Variants in CADPS observed in about 807,000 individuals in gnomAD.
CADPS encodes the protein calcium dependent secretion activator.
CADPS carries 57 observed loss-of-function variants against 167.3 expected under a neutral mutation model. The ratio of observed to expected loss-of-function variants is 0.34; its 90% CI spans 0.28 to 0.42. CADPS has a LOEUF of 0.42. Ranked by LOEUF, CADPS falls within the 20% of genes least tolerant of loss-of-function variation. The probability of loss-of-function intolerance (pLI) is 1.00; values close to 1 mark genes in which losing one functional copy is unlikely to be tolerated. For missense variants in CADPS, 1,414 were observed against 1,738.1 expected (o/e 0.81, Z 3.32); for synonymous variants, 676 against 635.3 (o/e 1.06, Z -0.96).
At chr3:62,528,443 T>C (rs887741319) in intron 13 of CADPS, among the ~76,000 whole-genome samples, 2 of 152,244 alleles carry the variant, frequency 1.3e-5, no homozygotes, top group African/African-American at 4.8e-5. Flanking sequence ...CAAGTAATTA[T>C]TAAATGGTAG....
intron 28 of CADPS, among the ~76,000 whole-genome samples, chr3:62,436,470 A>T (rs1477805797): frequency 6.6e-6 from 1 of 152,180 alleles, no homozygotes; most frequent in Non-Finnish European, 1.5e-5. Context: ...AGATGGGCAG[A>T]GTGTCCACAC....
chr3:62,434,997 A>C (rs2054692709), intron 28 of CADPS, among the ~76,000 whole-genome samples: 1 of 152,190 alleles, frequency 6.6e-6, no homozygotes, highest in Non-Finnish European at 1.5e-5. Flanking sequence ...CCAGAGAATG[A>C]CACAACAGTC....
In CADPS at chr3:62,478,535, T is replaced by C. The variant is rs1188784353; in HGVS notation, c.3174-119A>G. 2 of 926,498 alleles carry C rather than the reference T, an allele frequency of 2.2e-6. No homozygotes were observed. Among genetic ancestry groups the C allele is most frequent in the South Asian group, 1.6e-5 (1 of 60,944 alleles). 57.4% of individuals were successfully genotyped at this position (926,498 alleles called of 1,614,324 possible). ...AGCAGCTTCAACATACAAAACAACG[T>C]GTGTTGGCGGTGGAGGCGGGGGCGA... On this transcript the variant is annotated intron_variant, in intron 22 of 29. Transcript: ENST00000383710. This position sits in a 1 kb window ranked among gnomAD's most constrained non-coding sequence, Gnocchi z 5.7.
chr3:62,426,946 G>A (rs1007009931), intron 28 of CADPS, among the ~76,000 whole-genome samples: 2 of 151,734 alleles, frequency 1.3e-5, no homozygotes, highest in African/African-American at 4.8e-5. Flanking sequence ...ATGGTGGCAG[G>A]CGCCTATAGT....
chr3:62,831,083 G>C (rs1242786472), intron 1 of CADPS, among the ~76,000 whole-genome samples: 1 of 152,140 alleles, frequency 6.6e-6, no homozygotes, highest in Non-Finnish European at 1.5e-5. Flanking sequence ...ACCACTTTAA[G>C]GGGAGGAGTG....
chr3:62,749,449 A>T (rs1287542276), intron 3 of CADPS, among the ~76,000 whole-genome samples: 2 of 152,218 alleles, frequency 1.3e-5, no homozygotes, highest in Admixed American at 1.3e-4. Flanking sequence ...AGAGGAAAAC[A>T]TTAAGCACAT....
At chr3:62,816,322 A>T (rs1353696092) in intron 1 of CADPS, among the ~76,000 whole-genome samples, 2 of 152,142 alleles carry the variant, frequency 1.3e-5, no homozygotes, top group Non-Finnish European at 2.9e-5. Flanking sequence ...TTGTGGGCTT[A>T]GAGGTTGTCT....
chr3:62,817,810 G>A (rs995699937), intron 1 of CADPS, among the ~76,000 whole-genome samples: 1 of 152,134 alleles, frequency 6.6e-6, no homozygotes, highest in African/African-American at 2.4e-5. Context: ...TTAACACAAG[G>A]TTCAAGTAGT....
chr3:62,470,613 G>C (rs2060475810), intron 24 of CADPS: 1 of 152,192 alleles, frequency 6.6e-6, no homozygotes, highest in African/African-American at 2.4e-5. Context: ...AGTCAAGCTA[G>C]CTTTATTCTC....
intron 1 of CADPS, among the ~76,000 whole-genome samples, chr3:62,775,230 T>C (rs2089992269): frequency 6.6e-6 from 1 of 151,896 alleles, no homozygotes; most frequent in African/African-American, 2.4e-5. Context: ...ATTTTTTTTT[T>C]TTAGTAGAGA....
intron 13 of CADPS, among the ~76,000 whole-genome samples, chr3:62,531,289 G>A (rs1001736737): frequency 4.6e-5 from 7 of 151,986 alleles, no homozygotes; most frequent in African/African-American, 1.5e-4. Context: ...TCATCAAAGT[G>A]TACATATTTA....
intron 8 of CADPS, among the ~76,000 whole-genome samples, chr3:62,573,279 A>G (rs1578060154): frequency 6.6e-6 from 1 of 152,074 alleles, no homozygotes; most frequent in East Asian, 1.9e-4. Context: ...TTTTTTATTC[A>G]CATTATTTTT....
intron 1 of CADPS, among the ~76,000 whole-genome samples, chr3:62,832,685 G>A (rs148752781): frequency 2.2e-4 from 34 of 152,330 alleles, no homozygotes; most frequent in African/African-American, 7.9e-4. Flanking sequence ...CTCATCATCA[G>A]CTTCTGATGT....
chr3:62,504,129 C>G (rs2066220117), intron 17 of CADPS, among the ~76,000 whole-genome samples: 1 of 152,106 alleles, frequency 6.6e-6, no homozygotes, highest in Non-Finnish European at 1.5e-5. Context: ...CCTCTTCTTG[C>G]TGGACCATTT....
At chr3:62,645,659 G>A in intron 6 of CADPS, 63 bp downstream of exon 6, 1 of 1,580,570 alleles carries the variant, frequency 6.3e-7, no homozygotes. Context: ...CCTTGGAGTT[G>A]GCCAAAATGG....
chr3:62,751,293 T>G (rs950176164), intron 3 of CADPS, among the ~76,000 whole-genome samples: 1 of 152,180 alleles, frequency 6.6e-6, no homozygotes, highest in South Asian at 2.1e-4. Context: ...AGAATTCATG[T>G]GTATTTTTGT....
At chr3:62,862,217 G>GTTTT (rs34987223) in intron 1 of CADPS, among the ~76,000 whole-genome samples, 6 of 131,834 alleles carry the variant, frequency 4.6e-5, no homozygotes, top group African/African-American at 1.4e-4. Flanking sequence ...GAAAACAGTG[G>GTTTT]TTTTTTTTTT....
At chr3:62,836,432 C>T (rs2075897182) in intron 1 of CADPS, among the ~76,000 whole-genome samples, 1 of 152,068 alleles carries the variant, frequency 6.6e-6, no homozygotes, top group South Asian at 2.1e-4. Flanking sequence ...GAAAAATACG[C>T]ACTAGATGCA....
intron 28 of CADPS, among the ~76,000 whole-genome samples, chr3:62,435,655 A>T (rs4688130): frequency 6.6e-6 from 1 of 152,046 alleles, no homozygotes; most frequent in Non-Finnish European, 1.5e-5. Context: ...TCTCTAAATA[A>T]GCTCCTGAAA....
Sources: gnomAD v4.1 joint callset for allele counts (sites outside exome capture counted in the v4.1 genomes callset) on GRCh38, gnomAD v4.1.1 for gene constraint, Gnocchi (gnomAD v3.1) non-coding constraint, MANE v1.5 for transcripts, NCBI Gene and HGNC (gene_info 2026-07-23, HGNC 2026-07-21) for gene names.